The following PCDH15 variants were observed in gnomAD, a reference collection of about 807,000 sequenced individuals.
PCDH15 encodes protocadherin related 15.
PCDH15 carries 129 observed loss-of-function variants against 178.5 expected under a neutral mutation model. The ratio of observed to expected loss-of-function variants is 0.72; its 90% CI spans 0.63 to 0.84. The LOEUF is 0.84. Among genes scored for constraint, PCDH15 ranks in the 40% least tolerant of loss-of-function variants. PCDH15 has a pLI of 0.00. For missense variants in PCDH15, 2,230 were observed against 2,099.9 expected (o/e 1.06, Z -1.21); for synonymous variants, 800 against 732.0 (o/e 1.09, Z -1.50).
At chr10:54,885,424 C>T (rs1014345697) in intron 3 of PCDH15, among the ~76,000 whole-genome samples, 8 of 151,902 alleles carry the variant, frequency 5.3e-5, no homozygotes, top group East Asian at 1.9e-4. Context: ...TATAACTACT[C>T]CACTGGGAAG....
rs368150853 is a variant in PCDH15, at chr10:53,823,485, C to T, written c.4368-3255G>A. On this transcript the variant is annotated intron_variant, in intron 32 of 37. Coordinates refer to ENST00000644397, the MANE Select transcript of PCDH15 (RefSeq NM_001384140.1). ...AACATCAAAGGCCAAACAACACTAACCTACTAAAGCAAGACATTATTTTAA... is the reference window on the plus strand; with the variant it reads ...AACATCAAAGGCCAAACAACACTAATCTACTAAAGCAAGACATTATTTTAA... 3.5e-4 allele frequency: 318 copies of T among 902,980 alleles called. 1 individual carries two copies. The highest frequency in any genetic ancestry group is 1.6e-3 in the Middle Eastern group (6 of 3,864). 55.9% of individuals were successfully genotyped at this position (902,980 alleles called of 1,614,324 possible).
intron 15 of PCDH15, among the ~76,000 whole-genome samples, chr10:54,120,985 T>C (rs2132859462): frequency 6.6e-6 from 1 of 151,562 alleles, no homozygotes; most frequent in African/African-American, 2.4e-5. Context: ...CCACAGAATA[T>C]ACATTCTTCT....
intron 2 of PCDH15, among the ~76,000 whole-genome samples, chr10:55,576,987 T>C (rs1400638308): frequency 6.6e-6 from 1 of 152,180 alleles, no homozygotes; most frequent in East Asian, 1.9e-4. Flanking sequence ...CTCATGCCTG[T>C]AATCCCAGCA....
chr10:54,779,488 G>GTATATATACACACATATATGTGTGTA (rs1950113710), intron 1 of PCDH15, among the ~76,000 whole-genome samples: 2 of 53,290 alleles, frequency 3.8e-5, no homozygotes, highest in Non-Finnish European at 6.4e-5. Flanking sequence ...ACATATATAT[G>GTATATATACACACATATATGTGTGTA]TATATATATA....
At chr10:55,281,404 A>C (rs1842729355) in intron 1 of PCDH15, among the ~76,000 whole-genome samples, 1 of 151,574 alleles carries the variant, frequency 6.6e-6, no homozygotes, top group Non-Finnish European at 1.5e-5. Flanking sequence ...CATTACCACT[A>C]TACAAATAAA....
chr10:54,554,844 C>T (rs1413065219), intron 2 of PCDH15, among the ~76,000 whole-genome samples: 1 of 152,186 alleles, frequency 6.6e-6, no homozygotes, highest in East Asian at 1.9e-4. Context: ...TTGAAAAAGT[C>T]ATGGAATAAA....
chr10:54,329,748 A>C (rs1939045126), intron 6 of PCDH15, 42 bp from the exon 7 acceptor site: 1 of 1,239,194 alleles, frequency 8.1e-7, no homozygotes, highest in Non-Finnish European at 1.2e-6. Flanking sequence ...ATTTGAATGT[A>C]AGATGAATTA....
intron 2 of PCDH15, among the ~76,000 whole-genome samples, chr10:55,408,142 A>G (rs189292345): frequency 6.6e-6 from 1 of 152,078 alleles, no homozygotes; most frequent in African/African-American, 2.4e-5. Context: ...GAGATAGAAA[A>G]CCACTAACTC....
At chr10:54,927,092 CTCT>C (rs1298760722) in intron 2 of PCDH15, among the ~76,000 whole-genome samples, 1 of 151,932 alleles carries the variant, frequency 6.6e-6, no homozygotes, top group Non-Finnish European at 1.5e-5. Context: ...ATAAATTTCC[CTCT>C]TAACACTGCC....
chr10:54,557,958 G>T (rs1460084462), intron 2 of PCDH15, among the ~76,000 whole-genome samples: 2 of 151,806 alleles, frequency 1.3e-5, no homozygotes, highest in African/African-American at 2.4e-5. Flanking sequence ...CAAATATCAG[G>T]TTTTCATAAT....
intron 1 of PCDH15, among the ~76,000 whole-genome samples, chr10:54,721,717 A>G (rs2132510998): frequency 6.6e-6 from 1 of 151,996 alleles, no homozygotes; most frequent in African/African-American, 2.4e-5. Context: ...ACAAAGTTGA[A>G]TCATCAACAA....
chr10:54,626,838 CA>C (rs2093567403), intron 2 of PCDH15, among the ~76,000 whole-genome samples: 2 of 152,268 alleles, frequency 1.3e-5, no homozygotes, highest in East Asian at 3.9e-4. Flanking sequence ...AAGCTGCAGA[CA>C]CTCAATACCA....
intron 9 of PCDH15, among the ~76,000 whole-genome samples, chr10:54,221,623 GAA>G (rs748025618): frequency 2.7e-5 from 4 of 150,106 alleles, no homozygotes; most frequent in Non-Finnish European, 5.9e-5. Flanking sequence ...TTAATTTTGA[GAA>G]AGAGTTTTGC....
intron 15 of PCDH15, among the ~76,000 whole-genome samples, chr10:54,120,796 C>T (rs1156502833): frequency 1.3e-5 from 2 of 152,080 alleles, no homozygotes; most frequent in Non-Finnish European, 2.9e-5. Flanking sequence ...ATTCACAAAA[C>T]CAGTACTCTA....
At chr10:55,325,330 G>A (rs1844002388) in intron 2 of PCDH15, among the ~76,000 whole-genome samples, 1 of 151,996 alleles carries the variant, frequency 6.6e-6, no homozygotes, top group African/African-American at 2.4e-5. Context: ...ACACTACAAG[G>A]CTACAGTGAC....
At chr10:54,497,082 C>A (rs2080191653) in intron 3 of PCDH15, among the ~76,000 whole-genome samples, 1 of 152,000 alleles carries the variant, frequency 6.6e-6, no homozygotes, top group South Asian at 2.1e-4. Flanking sequence ...GCCTTTCCAG[C>A]ACATCAAGCA....
At chr10:54,130,814 C>A (rs2042375910) in intron 15 of PCDH15, among the ~76,000 whole-genome samples, 1 of 152,146 alleles carries the variant, frequency 6.6e-6, no homozygotes, top group Admixed American at 6.6e-5. Context: ...TGGAGGCAGC[C>A]AGGGTACCTC....
At chr10:53,961,611 C>A in intron 22 of PCDH15, 141 bp downstream of exon 22, 51 of 539,598 alleles carry the variant, frequency 9.5e-5, no homozygotes, top group Admixed American at 2.0e-4. Flanking sequence ...TTGTAAGTTT[C>A]TAAGAGAAAA....
intron 6 of PCDH15, among the ~76,000 whole-genome samples, chr10:54,336,128 T>A (rs113853299): frequency 6.6e-6 from 1 of 152,156 alleles, no homozygotes; most frequent in African/African-American, 2.4e-5. Context: ...TTTGGTGACA[T>A]AAGTTTCTAA....
Sources: gnomAD v4.1 joint callset for allele counts (sites outside exome capture counted in the v4.1 genomes callset) on GRCh38, gnomAD v4.1.1 for gene constraint, MANE v1.5 for transcripts, NCBI Gene and HGNC (gene_info 2026-07-23, HGNC 2026-07-21) for gene names.